The following WDPCP variants were observed in gnomAD, a reference collection of about 807,000 sequenced individuals.
The protein encoded by WDPCP is WD repeat containing planar cell polarity effector.
A neutral mutation model predicts 93.1 loss-of-function variants in WDPCP; 71 were observed. That is an observed-to-expected ratio of 0.76 (90% confidence interval 0.63 to 0.93). WDPCP has a LOEUF of 0.93. WDPCP is among the 40% of genes least tolerant of loss of function. The pLI is 0.00. For missense variants in WDPCP, 844 were observed against 887.4 expected (o/e 0.95, Z 0.62); for synonymous variants, 315 against 315.0 (o/e 1.00, Z 0.00).
intron 12 of WDPCP, among the ~76,000 whole-genome samples, chr2:63,338,506 C>T (rs377643997): frequency 7.7e-5 from 11 of 143,344 alleles, no homozygotes; most frequent in Middle Eastern, 3.9e-3. Context: ...TAGCCGAGAT[C>T]GCACCACTGC....
At chr2:63,394,178 C>G (rs1027565850) in intron 10 of WDPCP, among the ~76,000 whole-genome samples, 5 of 152,174 alleles carry the variant, frequency 3.3e-5, no homozygotes, top group African/African-American at 1.2e-4. Flanking sequence ...TCTTAAGGAA[C>G]TTAAACAAAT....
intron 14 of WDPCP, among the ~76,000 whole-genome samples, chr2:63,195,831 T>G (rs564069057): frequency 6.6e-6 from 1 of 152,284 alleles, no homozygotes. Flanking sequence ...ATACACACAC[T>G]TATAGACCAT....
chr2:63,439,907 A>C, intron 6 of WDPCP, 36 bp from the exon 7 acceptor site: 1 of 1,507,168 alleles, frequency 6.6e-7, no homozygotes, highest in South Asian at 1.1e-5. Context: ...AGGGAGGAAG[A>C]CATGCTGTGA....
intron 2 of WDPCP, among the ~76,000 whole-genome samples, chr2:63,699,688 G>A (rs1455829906): frequency 4.6e-5 from 7 of 152,160 alleles, no homozygotes; most frequent in East Asian, 3.9e-4. Flanking sequence ...GAGAAGTCTC[G>A]TTTTCTAACA....
chr2:63,227,025 A>C (rs1678350253), intron 14 of WDPCP, among the ~76,000 whole-genome samples: 1 of 151,948 alleles, frequency 6.6e-6, no homozygotes, highest in African/African-American at 2.4e-5. Flanking sequence ...TTGATTAATA[A>C]GGCAAAATAA....
At position 63,404,567 on chromosome 2, in the gene WDPCP, C is replaced by T. The variant is rs761751600; in HGVS notation, c.916G>A (p.Val306Ile). 4.3e-6 allele frequency: 7 copies of T among 1,613,824 alleles called. No individual in the cohort carries two copies. The highest frequency in any genetic ancestry group is 1.7e-5 in the Admixed American group (1 of 59,976). ...PYQVFTVEHS[V>I]SVDKEPMADS... ...GCCATGGGCTCTTTGTCTACACTTA[C>T]GGAGTGCTCCACTGTGAACACCTGA... Residue 306 changes from valine to isoleucine, a missense_variant, in exon 10 of 18, where the codon GTA becomes ATA. Coordinates refer to ENST00000272321, the MANE Select transcript of WDPCP (RefSeq NM_015910.7).
At chr2:63,128,946 G>T (rs974598764) in intron 17 of WDPCP, among the ~76,000 whole-genome samples, 6 of 152,186 alleles carry the variant, frequency 3.9e-5, no homozygotes, top group Admixed American at 2.6e-4. Flanking sequence ...GGGATTACAG[G>T]CGTGAGCCAC....
At chr2:63,525,531 T>A (rs1435185784) in intron 1 of WDPCP, among the ~76,000 whole-genome samples, 1 of 152,218 alleles carries the variant, frequency 6.6e-6, no homozygotes, top group African/African-American at 2.4e-5. Flanking sequence ...ATTCTTCTAT[T>A]CTTTAAATTC....
At chr2:63,330,169 T>G (rs1208010526) in intron 12 of WDPCP, among the ~76,000 whole-genome samples, 1 of 152,162 alleles carries the variant, frequency 6.6e-6, no homozygotes, top group Non-Finnish European at 1.5e-5. Context: ...CTTTATACTG[T>G]TTTCCACAGG....
intron 2 of WDPCP, among the ~76,000 whole-genome samples, chr2:63,801,310 T>G (rs1380326330): frequency 6.6e-6 from 1 of 152,158 alleles, no homozygotes; most frequent in Non-Finnish European, 1.5e-5. Context: ...TAGTGTCTCA[T>G]GATGTGTCTG....
rs574411342 is a variant in WDPCP at position 63,419,580 on chromosome 2, A to C, written c.825+14165T>G. 1.5e-3 allele frequency among the ~76,000 whole-genome samples: 235 copies of C among 152,370 alleles called. 1 individual carries two copies. Among genetic ancestry groups the C allele is most frequent in the African/African-American group, 5.0e-3 (207 of 41,584 alleles). ...TTAAAAAGCTACATTTGAAAAATGTAGTTAGAATTGATCCAAATGCCATCA... is the reference window on the plus strand; with the variant it reads ...TTAAAAAGCTACATTTGAAAAATGTCGTTAGAATTGATCCAAATGCCATCA... On this transcript the variant is annotated intron_variant, in intron 9 of 17. Transcript: ENST00000272321.
At chr2:63,630,742 A>G (rs1316274087) in intron 3 of WDPCP, among the ~76,000 whole-genome samples, 1 of 152,254 alleles carries the variant, frequency 6.6e-6, no homozygotes, top group Non-Finnish European at 1.5e-5. Flanking sequence ...AAGCTACAGA[A>G]GAACTCAACA....
At chr2:63,572,727 G>T (rs1418243377) in intron 1 of WDPCP, among the ~76,000 whole-genome samples, 24 of 45,622 alleles carry the variant, frequency 5.3e-4, no homozygotes, top group East Asian at 2.5e-3. Context: ...AAAAAAAAAA[G>T]TTGGACAGCA....
intron 2 of WDPCP, among the ~76,000 whole-genome samples, chr2:63,662,718 G>A (rs570627529): frequency 6.6e-6 from 1 of 152,158 alleles, no homozygotes; most frequent in South Asian, 2.1e-4. Context: ...AGAGGGGTAG[G>A]TGGCTCCAGG....
chr2:63,579,586 G>A (rs1489314663), intron 1 of WDPCP, among the ~76,000 whole-genome samples: 1 of 151,812 alleles, frequency 6.6e-6, no homozygotes, highest in East Asian at 1.9e-4. Context: ...CTCCAGCCTG[G>A]GCAACAGAGC....
chr2:63,757,943 A>G (rs1393933262), intron 2 of WDPCP, among the ~76,000 whole-genome samples: 1 of 152,222 alleles, frequency 6.6e-6, no homozygotes, highest in Non-Finnish European at 1.5e-5. Context: ...ATTGTGATCA[A>G]GCCTCTGTGA....
intron 14 of WDPCP, among the ~76,000 whole-genome samples, chr2:63,202,018 C>G (rs1023834533): frequency 6.6e-6 from 1 of 151,134 alleles, no homozygotes; most frequent in East Asian, 1.9e-4. Flanking sequence ...TTAATTTCTG[C>G]TTTTTTAATT....
At chr2:63,122,981 G>A (rs1669651148) in intron 17 of WDPCP, among the ~76,000 whole-genome samples, 2 of 151,160 alleles carry the variant, frequency 1.3e-5, no homozygotes, top group African/African-American at 2.4e-5. Context: ...ACAGATATGC[G>A]GCTAAAAAAT....
intron 14 of WDPCP, among the ~76,000 whole-genome samples, chr2:63,225,461 A>T (rs1678209980): frequency 6.6e-6 from 1 of 151,828 alleles, no homozygotes; most frequent in African/African-American, 2.4e-5. Flanking sequence ...CTCTGGAAAA[A>T]TCCTAAGAGG....
Sources: gnomAD v4.1 joint callset for allele counts (sites outside exome capture counted in the v4.1 genomes callset) on GRCh38, gnomAD v4.1.1 for gene constraint, MANE v1.5 for transcripts, NCBI Gene and HGNC (gene_info 2026-07-23, HGNC 2026-07-21) for gene names.